ADGRB3: variants seen among roughly 807,000 people sequenced by gnomAD.
ADGRB3 encodes brain-specific angiogenesis inhibitor 3.
ADGRB3 carries 37 observed loss-of-function variants against 193.4 expected under a neutral mutation model. The ratio of observed to expected loss-of-function variants is 0.19; its 90% CI spans 0.15 to 0.25. The LOEUF is 0.25. Among genes scored for constraint, ADGRB3 ranks in the 10% least tolerant of loss-of-function variants. ADGRB3 has a pLI of 1.00. For synonymous variants in ADGRB3, 690 were observed against 644.2 expected (o/e 1.07, Z -1.08); for missense variants, 1,637 against 1,852.9 (o/e 0.88, Z 2.14).
In ADGRB3 at chr6:68,919,825, CATT is replaced by C. The variant is rs568609572; in HGVS notation, c.758-10730_758-10728del. On this transcript the variant is annotated intron_variant, in intron 3 of 31. Coordinates refer to ENST00000370598, the MANE Select transcript of ADGRB3 (RefSeq NM_001704.3). ...GGAGGTTTGAAGTCAGATTATCTGA[CATT>C]ATTGGGTGAGTGGGAAGAGAGGAAT... Among the ~76,000 whole-genome samples the C allele has an allele frequency of 4.6e-5, 7 of 152,154 alleles. No homozygotes were observed. The East Asian group carries it at 1.4e-3, about 29-fold the overall frequency.
intron 24 of ADGRB3, among the ~76,000 whole-genome samples, 166 bp downstream of exon 24, chr6:69,333,174 G>T (rs192067947): frequency 2.6e-5 from 4 of 152,224 alleles, no homozygotes. Flanking sequence ...CTATTTTTAA[G>T]CAATACGACC....
intron 17 of ADGRB3, among the ~76,000 whole-genome samples, chr6:69,149,286 A>G (rs1774598437): frequency 6.6e-6 from 1 of 151,728 alleles, no homozygotes; most frequent in Non-Finnish European, 1.5e-5. Context: ...CTTCAAGCTC[A>G]CTAATTCTTT....
intron 30 of ADGRB3, among the ~76,000 whole-genome samples, chr6:69,373,055 C>T (rs969437394): frequency 5.9e-5 from 9 of 151,786 alleles, no homozygotes; most frequent in African/African-American, 2.4e-5. Flanking sequence ...TATGTTTACT[C>T]GAAATTACTG....
At chr6:68,923,669 G>A (rs1388303826) in intron 3 of ADGRB3, among the ~76,000 whole-genome samples, 1 of 152,038 alleles carries the variant, frequency 6.6e-6, no homozygotes, top group African/African-American at 2.4e-5. Context: ...TATAATAAAT[G>A]ATAATGAGCT....
At chr6:68,933,327 C>T (rs933864324) in intron 4 of ADGRB3, among the ~76,000 whole-genome samples, 3 of 152,156 alleles carry the variant, frequency 2.0e-5, no homozygotes. Context: ...TGCAGTGGCT[C>T]ATGCCTGCAA....
intron 3 of ADGRB3, among the ~76,000 whole-genome samples, chr6:68,681,934 A>G (rs35593198): frequency 6.6e-6 from 1 of 152,190 alleles, no homozygotes; most frequent in Non-Finnish European, 1.5e-5. Flanking sequence ...GGAATGGGCA[A>G]CAATACTATA....
chr6:68,713,348 A>G (rs367642867), intron 3 of ADGRB3, among the ~76,000 whole-genome samples: 1 of 151,786 alleles, frequency 6.6e-6, no homozygotes, highest in Non-Finnish European at 1.5e-5. Context: ...GACGATTCCA[A>G]CTTCCATTTT....
chr6:69,339,988 A>T (rs1768941341), intron 26 of ADGRB3, among the ~76,000 whole-genome samples: 2 of 152,164 alleles, frequency 1.3e-5, no homozygotes, highest in East Asian at 3.8e-4. Context: ...GAATGCTTAG[A>T]TCTTTTGTCT....
chr6:69,068,788 T>C (rs1257991201), intron 16 of ADGRB3, among the ~76,000 whole-genome samples: 2 of 152,194 alleles, frequency 1.3e-5, no homozygotes, highest in African/African-American at 4.8e-5. Context: ...ATTAAATATG[T>C]GCCCTCTCCT....
intron 17 of ADGRB3, among the ~76,000 whole-genome samples, chr6:69,148,432 T>G (rs1244270017): frequency 6.6e-6 from 1 of 152,120 alleles, no homozygotes; most frequent in Non-Finnish European, 1.5e-5. Context: ...AACTCTACAT[T>G]TTAACTTCAT....
At chr6:69,328,198 ATACT>A (rs1768623096) in intron 22 of ADGRB3, among the ~76,000 whole-genome samples, 1 of 152,170 alleles carries the variant, frequency 6.6e-6, no homozygotes, top group Non-Finnish European at 1.5e-5. Flanking sequence ...AAGTCTTGAC[ATACT>A]TACTTTTTAG....
At chr6:68,798,145 A>C (rs1767245609) in intron 3 of ADGRB3, among the ~76,000 whole-genome samples, 1 of 152,190 alleles carries the variant, frequency 6.6e-6, no homozygotes, top group Admixed American at 6.6e-5. Flanking sequence ...TAAAGGACTT[A>C]AGTAAAATTT....
At chr6:69,361,746 G>T (rs1051989024) in intron 29 of ADGRB3, among the ~76,000 whole-genome samples, 1 of 151,524 alleles carries the variant, frequency 6.6e-6, no homozygotes, top group Non-Finnish European at 1.5e-5. Context: ...TATTTGAAAA[G>T]GAACCCATTA....
chr6:69,177,703 T>G (rs1775465218), intron 17 of ADGRB3, among the ~76,000 whole-genome samples: 1 of 152,228 alleles, frequency 6.6e-6, no homozygotes. Flanking sequence ...CCAAAAGTCA[T>G]TCAGGACCAA....
intron 17 of ADGRB3, among the ~76,000 whole-genome samples, chr6:69,186,705 A>G (rs1319860764): frequency 6.6e-6 from 1 of 152,166 alleles, no homozygotes; most frequent in South Asian, 2.1e-4. Context: ...TGCTTCCTCA[A>G]ATCTGTCTTT....
intron 17 of ADGRB3, among the ~76,000 whole-genome samples, chr6:69,111,382 T>C (rs533024858): frequency 2.6e-5 from 4 of 152,324 alleles, no homozygotes; most frequent in Non-Finnish European, 5.9e-5. Flanking sequence ...CTATCCACAC[T>C]TCTTGGCTTT....
At position 69,031,087 on chromosome 6, in the gene ADGRB3, TTCTCTTCTCTTCTCTTCTCTTCTCTTCTC is replaced by T. The variant is rs1562129016; in HGVS notation, c.2107+12599_2107+12627del. On this transcript the variant is annotated intron_variant, in intron 13 of 31. Transcript: ENST00000370598. ...TTCTCTTCTCTTCTCTTCTCTTCTC[TTCTCTTCTCTTCTCTTCTCTTCTCTTCTC>T]TCTCTTCTCTCTGTCTCTCTCTCTC... Among the ~76,000 whole-genome samples, 708 of 81,300 alleles carry T rather than the reference TTCTCTTCTCTTCTCTTCTCTTCTCTTCTC, an allele frequency of 8.7e-3. 74 individuals are homozygous for T. The highest frequency in any genetic ancestry group is 0.036 in the Middle Eastern group (4 of 110). The allele number at this position is 81,300 out of a possible 152,430, so 53.3% of individuals were successfully genotyped here. A position where few individuals can be genotyped will look rare whatever the true frequency, so the allele number is the denominator to read the frequency against.
chr6:69,121,524 G>A (rs1050445164), intron 17 of ADGRB3, among the ~76,000 whole-genome samples: 6 of 149,114 alleles, frequency 4.0e-5, no homozygotes, highest in African/African-American at 7.4e-5. Context: ...CTGTCTCTTC[G>A]GAGCTGTTGG....
intron 3 of ADGRB3, among the ~76,000 whole-genome samples, chr6:68,771,312 A>G (rs1452024822): frequency 1.4e-5 from 2 of 144,088 alleles, no homozygotes; most frequent in Middle Eastern, 3.3e-3. Context: ...TGTGCACATA[A>G]TTAAAGTTGA....
Sources: gnomAD v4.1 joint callset for allele counts (sites outside exome capture counted in the v4.1 genomes callset) on GRCh38, gnomAD v4.1.1 for gene constraint, MANE v1.5 for transcripts, NCBI Gene and HGNC (gene_info 2026-07-23, HGNC 2026-07-21) for gene names.